FAIM2: variants seen among roughly 807,000 people sequenced by gnomAD.
FAIM2 encodes the protein Fas apoptotic inhibitory molecule 2.
FAIM2 carries 27 observed loss-of-function variants against 47.4 expected under a neutral mutation model. The observed-to-expected ratio is 0.57, with a 90% CI of 0.42 to 0.78. The LOEUF (loss-of-function observed/expected upper bound fraction) is 0.78. Among genes scored for constraint, FAIM2 ranks in the 30% least tolerant of loss-of-function variants. The pLI, the probability that FAIM2 is intolerant of heterozygous loss-of-function variation, is 0.00. For synonymous variants in FAIM2, 156 were observed against 159.3 expected (o/e 0.98, Z 0.16); for missense variants, 311 against 389.4 (o/e 0.80, Z 1.69).
Position 49,878,619 on chromosome 12 carries a change from CAT to C in FAIM2, c.802-7968_802-7967del, listed in dbSNP as rs1251938117. The stretch of plus-strand genomic sequence containing the variant: ...GTGTATGTGTGCATGTGTATGTGTG[CAT>C]ATGTGTATGTATGTGCCCTTGTATA... On this transcript the variant is annotated intron_variant, in intron 11 of 11. Transcript: ENST00000320634. Among the ~76,000 whole-genome samples, 440 of 103,716 alleles carry C rather than the reference CAT, an allele frequency of 4.2e-3. 68 individuals carry two copies. The highest frequency in any genetic ancestry group is 0.014 in the South Asian group (38 of 2,666). The allele number at this position is 103,716 out of a possible 152,430, so 68.0% of individuals were successfully genotyped here. A position where few individuals can be genotyped will look rare whatever the true frequency, so the allele number is the denominator to read the frequency against.
intron 11 of FAIM2, among the ~76,000 whole-genome samples, chr12:49,879,762 G>A (rs1183660735): frequency 5.3e-5 from 8 of 151,590 alleles, no homozygotes; most frequent in African/African-American, 1.9e-4. Context: ...ATGTATGTGT[G>A]TGCACGTGTG....
At chr12:49,894,077 C>T (rs1003239882) in intron 5 of FAIM2, among the ~76,000 whole-genome samples, 4 of 152,224 alleles carry the variant, frequency 2.6e-5, no homozygotes, top group African/African-American at 9.6e-5. Flanking sequence ...ACCCCGCATT[C>T]ACATCCCAGC....
intron 10 of FAIM2, among the ~76,000 whole-genome samples, chr12:49,888,525 T>G (rs918759818): frequency 1.3e-5 from 2 of 152,164 alleles, no homozygotes; most frequent in African/African-American, 2.4e-5. Context: ...AATCTGCCCC[T>G]TCTCCACATG....
intron 8 of FAIM2, 41 bp from the exon 9 acceptor site, chr12:49,889,609 C>T (rs1244448388): frequency 6.5e-7 from 1 of 1,540,472 alleles, no homozygotes; most frequent in Admixed American, 1.7e-5. Context: ...TCAGGCAGGG[C>T]ATCTGGTCTC....
chr12:49,890,042 T>C, intron 8 of FAIM2, 75 bp downstream of exon 8: 1 of 1,455,836 alleles, frequency 6.9e-7, no homozygotes, highest in South Asian at 1.1e-5. Context: ...GTGGGGCAGC[T>C]CCCCTCGGGT....
In FAIM2 at chr12:49,874,202, C is replaced by T. The variant is rs781535464; in HGVS notation, c.802-3549G>A. 1.3e-5 allele frequency among the ~76,000 whole-genome samples: 2 copies of T among 152,184 alleles called. No homozygotes were observed. Among genetic ancestry groups the T allele is most frequent in the Non-Finnish European group, 2.9e-5 (2 of 68,024 alleles). On this transcript the variant is annotated intron_variant, in intron 11 of 11. Coordinates refer to ENST00000320634, the MANE Select transcript of FAIM2 (RefSeq NM_012306.4). This position sits in a 1 kb window ranked among gnomAD's most constrained non-coding sequence, Gnocchi z 4.2. ...AACAGGAGACTCTGCAGGAGGAGCA[C>T]ATGGGATGGGGCAGGAGGCCCCCTG...
At chr12:49,900,466 C>T (rs1946974532) in intron 2 of FAIM2, among the ~76,000 whole-genome samples, 1 of 152,112 alleles carries the variant, frequency 6.6e-6, no homozygotes, top group Non-Finnish European at 1.5e-5. Context: ...AGCTCCTACC[C>T]ACTGGGATTC....
Position 49,870,606 on chromosome 12 carries a change from C to T in FAIM2, c.849G>A (p.Ser283=), listed in dbSNP as rs142589017. 253 of 1,613,916 alleles carry T rather than the reference C, an allele frequency of 1.6e-4. No homozygotes were observed. Among genetic ancestry groups the T allele is most frequent in the Non-Finnish European group, 2.0e-4 (237 of 1,179,878 alleles). Residue 283 remains serine, a synonymous_variant, in exon 12 of 12, where the codon TCG becomes TCA. Coordinates refer to ENST00000320634, the MANE Select transcript of FAIM2 (RefSeq NM_012306.4). ...CAAAAATATACTCCTCAGGGCTCAG[C>T]GAGTGGCGTCGGTTACCCATCAGCA... ...TQLLMGNRRH[S]LSPEEYIFGA...
chr12:49,901,003 C>T, intron 2 of FAIM2, 127 bp downstream of exon 2: 1 of 686,030 alleles, frequency 1.5e-6, no homozygotes, highest in South Asian at 2.5e-5. Context: ...TCCTAAGCAT[C>T]TAACAACACA....
chr12:49,890,221 T>C, intron 7 of FAIM2, 67 bp from the exon 8 acceptor site: 2 of 1,481,430 alleles, frequency 1.4e-6, no homozygotes, highest in South Asian at 1.1e-5. Flanking sequence ...ACCCTCGAGG[T>C]CCAGCTCAGG....
At chr12:49,879,673 T>TGC (rs1359864828) in intron 11 of FAIM2, among the ~76,000 whole-genome samples, 1 of 147,520 alleles carries the variant, frequency 6.8e-6, no homozygotes, top group African/African-American at 2.6e-5. Context: ...TGTGAGTGTG[T>TGC]GCATGTGTGT....
At chr12:49,884,104 G>A (rs933598815) in intron 11 of FAIM2, among the ~76,000 whole-genome samples, 1 of 152,014 alleles carries the variant, frequency 6.6e-6, no homozygotes, top group Admixed American at 6.6e-5. Context: ...CATGCCTGTA[G>A]TCCCAGCTAC....
intron 5 of FAIM2, among the ~76,000 whole-genome samples, chr12:49,896,804 A>G (rs1024556876): frequency 3.3e-5 from 5 of 151,986 alleles, no homozygotes; most frequent in African/African-American, 9.7e-5. Context: ...AGCAGAACCT[A>G]CCCCCGTCTC....
chr12:49,880,656 G>T (rs1020517355), intron 11 of FAIM2, among the ~76,000 whole-genome samples: 1 of 151,786 alleles, frequency 6.6e-6, no homozygotes, highest in Non-Finnish European at 1.5e-5. Flanking sequence ...GTATCTGTGA[G>T]TGCATGTGTG....
chr12:49,895,584 C>T (rs1444848094), intron 5 of FAIM2, among the ~76,000 whole-genome samples: 9 of 152,182 alleles, frequency 5.9e-5, no homozygotes, highest in African/African-American at 4.8e-5. Context: ...TTAGCTTTAC[C>T]GTACAGTGCC....
In FAIM2 at chr12:49,870,464, G is replaced by C; in HGVS notation, c.*40C>G. 1 of 1,590,662 alleles carries C rather than the reference G, an allele frequency of 6.3e-7. No individual in the cohort carries two copies. Among genetic ancestry groups the C allele is most frequent in the Non-Finnish European group, 8.6e-7 (1 of 1,161,906 alleles). On this transcript the variant is annotated 3_prime_UTR_variant, in exon 12 of 12. Coordinates refer to ENST00000320634, the MANE Select transcript of FAIM2 (RefSeq NM_012306.4). ...CAGGGGAGGGACAGGGAACCAGGAGGGGCGCATTCTCTGGAGGACGGTGGG... is the reference window on the plus strand; with the variant it reads ...CAGGGGAGGGACAGGGAACCAGGAGCGGCGCATTCTCTGGAGGACGGTGGG...
Position 49,901,172 on chromosome 12 carries a change from T to G in FAIM2, c.169A>C (p.Thr57Pro). Residue 57 changes from threonine to proline, a missense_variant, in exon 2 of 12, where the codon ACA becomes CCA. Thr to Pro is a conservative substitution (Grantham distance 38). Transcript: ENST00000320634. ...CAGCTAGGGTGGAGAGGCACCGCTG[T>G]GGGGGCTGGGGGGAAGGCCCCTGCC... ...MKAGAFPPAPTAVPLHPSWAY... is the reference protein window; with the variant it reads ...MKAGAFPPAPPAVPLHPSWAY... 6.2e-7 allele frequency: 1 copy of G among 1,606,770 alleles called. No homozygotes were observed. The highest frequency in any genetic ancestry group is 2.3e-5 in the East Asian group (1 of 43,948).
In FAIM2 at chr12:49,878,504, GTA is replaced by G. The variant is rs568855106; in HGVS notation, c.802-7853_802-7852del. On this transcript the variant is annotated intron_variant, in intron 11 of 11. Coordinates refer to ENST00000320634, the MANE Select transcript of FAIM2 (RefSeq NM_012306.4). ...TGTGTGTATATGTATGTGCATGTGT[GTA>G]TATGTGTGCATATGACTGTGTATGT... 5.9e-3 allele frequency among the ~76,000 whole-genome samples: 535 copies of G among 90,252 alleles called. 84 individuals are homozygous for G. Among genetic ancestry groups the G allele is most frequent in the South Asian group, 8.7e-3 (21 of 2,426 alleles). The allele number at this position is 90,252 out of a possible 152,430, so 59.2% of individuals were successfully genotyped here.
At chr12:49,898,298 C>CTGAG (rs1338125642) in intron 2 of FAIM2, among the ~76,000 whole-genome samples, 1 of 152,282 alleles carries the variant, frequency 6.6e-6, no homozygotes, top group Non-Finnish European at 1.5e-5. Flanking sequence ...TTTTCCTGCT[C>CTGAG]TGAGTCCTGG....
Sources: allele counts gnomAD v4.1 joint callset (sites outside exome capture counted in the v4.1 genomes callset), GRCh38; gene constraint gnomAD v4.1.1; non-coding constraint Gnocchi (gnomAD v3.1); transcripts MANE v1.5; gene names NCBI Gene and HGNC (gene_info 2026-07-23, HGNC 2026-07-21).